The following RMP64 variants were observed in gnomAD, a reference collection of about 807,000 sequenced individuals.
RMP64 encodes nucleolus and neural progenitor protein.
At chr3:113,014,099 G>A in the RMP64 span, 1 of 933,076 alleles carries the variant, frequency 1.1e-6, no homozygotes, top group Non-Finnish European at 1.7e-6. Flanking sequence ...ATTATGACCA[G>A]GAAAGCAAAG....
At chr3:113,013,984 T>C in the RMP64 span, 4 of 1,613,900 alleles carry the variant, frequency 2.5e-6, no homozygotes, top group East Asian at 6.7e-5. Flanking sequence ...AGGTCTTGAA[T>C]TGAGCCCTCC....
the RMP64 span, chr3:113,013,861 C>A: frequency 1.1e-6 from 1 of 929,632 alleles, no homozygotes; most frequent in Non-Finnish European, 1.7e-6. Context: ...TGGTTATATT[C>A]CAACAGCAAG....
chr3:113,005,199 C>T, the RMP64 span: 12 of 291,550 alleles, frequency 4.1e-5, no homozygotes, highest in East Asian at 4.8e-4. Context: ...TTTTTGCAAA[C>T]GATTATTAAA....
chr3:113,005,602 G>A, the RMP64 span: 1 of 1,613,894 alleles, frequency 6.2e-7, no homozygotes, highest in Non-Finnish European at 8.5e-7. Context: ...CTGATGTACT[G>A]TTTTTATTTA....
chr3:113,005,884 C>G, the RMP64 span: 3 of 1,613,726 alleles, frequency 1.9e-6, no homozygotes, highest in Non-Finnish European at 2.5e-6. Context: ...TCCTTTGTCT[C>G]CGTAAAAATT....
At chr3:113,019,455 C>A in the RMP64 span, 11,978 of 1,137,824 alleles carry the variant, frequency 0.011, 626 homozygotes, top group East Asian at 0.16. Context: ...CGGGAAGTCC[C>A]GGTACCACCC....
the RMP64 span, chr3:113,011,045 CT>C: frequency 5.1e-6 from 8 of 1,579,384 alleles, no homozygotes; most frequent in Non-Finnish European, 6.8e-6. Flanking sequence ...AGCAAATTAC[CT>C]TTGAAGACTC....
the RMP64 span, chr3:113,010,837 G>A: frequency 1.2e-6 from 1 of 856,794 alleles, no homozygotes; most frequent in Admixed American, 2.7e-5. Flanking sequence ...AAATAACTAG[G>A]AAGCAACTAC....
chr3:113,005,571 C>T, the RMP64 span: 1 of 1,613,330 alleles, frequency 6.2e-7, no homozygotes, highest in African/African-American at 1.3e-5. Flanking sequence ...TCATCAATGT[C>T]ATCTGTCTCC....
chr3:113,017,365 C>T, the RMP64 span: 1 of 1,140,352 alleles, frequency 8.8e-7, no homozygotes, highest in Non-Finnish European at 1.2e-6. Context: ...CACGAGATTT[C>T]CATAAATAGC....
the RMP64 span, among the ~76,000 whole-genome samples, chr3:113,018,080 G>A: frequency 1.3e-5 from 2 of 152,160 alleles, no homozygotes; most frequent in African/African-American, 2.4e-5. Flanking sequence ...ATCACTTTAT[G>A]AGAGACACAA....
chr3:113,013,341 A>G, the RMP64 span: 2 of 1,613,750 alleles, frequency 1.2e-6, no homozygotes, highest in Non-Finnish European at 1.7e-6. Flanking sequence ...CTTCATCAAC[A>G]CCAACTCCAC....
At chr3:113,010,960 G>A in the RMP64 span, 1 of 1,214,240 alleles carries the variant, frequency 8.2e-7, no homozygotes, top group Non-Finnish European at 1.2e-6. Flanking sequence ...TTCTTTCTAT[G>A]CAATGCATGA....
At chr3:113,006,430 A>G in the RMP64 span, among the ~76,000 whole-genome samples, 3 of 152,232 alleles carry the variant, frequency 2.0e-5, no homozygotes, top group Non-Finnish European at 4.4e-5. Context: ...CAGGAAATGA[A>G]CAAGGAAAAA....
the RMP64 span, chr3:113,013,463 T>C: frequency 2.0e-5 from 1 of 50,738 alleles, no homozygotes; most frequent in Admixed American, 1.3e-3. Context: ...TTTTTTTTTG[T>C]TTTTTTTTTT....
At chr3:113,019,458 T>C in the RMP64 span, 17 of 1,162,582 alleles carry the variant, frequency 1.5e-5, no homozygotes, top group South Asian at 2.1e-4. Flanking sequence ...GAAGTCCCGG[T>C]ACCACCCCCG....
the RMP64 span, chr3:113,008,237 GC>G: frequency 6.2e-7 from 1 of 1,614,066 alleles, no homozygotes; most frequent in South Asian, 1.1e-5. Flanking sequence ...CAGAAAAATG[GC>G]CTGAGCCTTG....
the RMP64 span, chr3:113,014,003 G>GT: frequency 1.2e-6 from 2 of 1,613,594 alleles, no homozygotes; most frequent in Non-Finnish European, 1.7e-6. Context: ...CCAAATTCAT[G>GT]TTTTTCAAAC....
chr3:113,019,031 T>C, the RMP64 span: 1 of 156,378 alleles, frequency 6.4e-6, no homozygotes, highest in Non-Finnish European at 1.4e-5. Flanking sequence ...TCATTAGATA[T>C]TCCCAACGCC....
Sources: allele counts gnomAD v4.1 joint callset (sites outside exome capture counted in the v4.1 genomes callset), GRCh38; gene constraint gnomAD v4.1.1; transcripts MANE v1.5; gene names NCBI Gene and HGNC (gene_info 2026-07-23, HGNC 2026-07-21).